The following VEZF1 variants were observed in gnomAD, a reference collection of about 807,000 sequenced individuals.
The protein encoded by VEZF1 is vascular endothelial zinc finger 1.
A neutral mutation model predicts 44.1 loss-of-function variants in VEZF1; 5 were observed. The ratio of observed to expected loss-of-function variants is 0.11; its 90% CI spans 0.06 to 0.24. The LOEUF (loss-of-function observed/expected upper bound fraction) is 0.24. Among genes scored for constraint, VEZF1 ranks in the 10% least tolerant of loss-of-function variants. VEZF1 has a pLI of 1.00. For missense variants in VEZF1, 358 were observed against 641.8 expected (o/e 0.56, Z 4.78); for synonymous variants, 236 against 233.1 (o/e 1.01, Z -0.11).
At chr17:57,979,365 G>GT (rs751520428) in intron 4 of VEZF1, 52 bp from the exon 5 acceptor site, 26 of 1,589,302 alleles carry the variant, frequency 1.6e-5, no homozygotes, top group South Asian at 5.6e-5. Flanking sequence ...AACTGTTGCC[G>GT]TTTTTTTTCA....
Position 57,980,565 on chromosome 17 carries a change from TG to T in VEZF1, c.976+37del, listed in dbSNP as rs780967226. Reference sequence around the variant, plus strand: ...TGAAAACATGCATATTTCACCCATCTGAAATATAAAAGAAAGAAAATCTGAA... The same window carrying T: ...TGAAAACATGCATATTTCACCCATCTAAATATAAAAGAAAGAAAATCTGAA... On this transcript the variant is annotated intron_variant, in intron 4 of 5. Coordinates refer to ENST00000581208, the MANE Select transcript of VEZF1 (RefSeq NM_007146.3). 3 of 1,583,124 alleles carry T rather than the reference TG, an allele frequency of 1.9e-6. No homozygotes were observed. The South Asian group carries it at 3.3e-5, about 18-fold the overall frequency.
chr17:57,976,956 A>C (rs374615453), intron 5 of VEZF1, among the ~76,000 whole-genome samples: 2 of 152,112 alleles, frequency 1.3e-5, no homozygotes, highest in South Asian at 2.1e-4. Context: ...TTTTCTTTTT[A>C]ATCTAAGAGT....
At chr17:57,985,653 T>G (rs1286693108) in intron 1 of VEZF1, among the ~76,000 whole-genome samples, 5 of 152,218 alleles carry the variant, frequency 3.3e-5, no homozygotes, top group African/African-American at 1.2e-4. Context: ...TTCCTGGGGC[T>G]GGCAAGAAAC....
Position 57,983,470 on chromosome 17 carries a change from G to C in VEZF1, c.34-77C>G, listed in dbSNP as rs567564229. 2.7e-4 allele frequency: 347 copies of C among 1,287,872 alleles called. 4 individuals are homozygous for C. In the South Asian group the frequency reaches 3.5e-3, roughly 13 times the overall value. 79.8% of individuals were successfully genotyped at this position (1,287,872 alleles called of 1,614,324 possible). A position where few individuals can be genotyped will look rare whatever the true frequency, so the allele number is the denominator to read the frequency against. On this transcript the variant is annotated intron_variant, in intron 1 of 5. Coordinates refer to ENST00000581208, the MANE Select transcript of VEZF1 (RefSeq NM_007146.3). ...GAAATTCAACATGCTCCAGACAATA[G>C]AGACCAGAAGAAACAGTCAAAGAAC...
intron 1 of VEZF1, among the ~76,000 whole-genome samples, chr17:57,987,289 C>G (rs568329499): frequency 6.6e-6 from 1 of 152,210 alleles, no homozygotes; most frequent in African/African-American, 2.4e-5. Flanking sequence ...CCGCCTGCCC[C>G]GGGCCGGCCC....
chr17:57,975,279 T>C (rs2075179187), intron 5 of VEZF1, among the ~76,000 whole-genome samples: 1 of 152,262 alleles, frequency 6.6e-6, no homozygotes, highest in Non-Finnish European at 1.5e-5. Context: ...CTAAAAACTT[T>C]CTTGGGAAGA....
rs935693670 is a variant in VEZF1 at position 57,988,188 on chromosome 17, A to AGCG, written c.-80_-78dup. 45 of 324,958 alleles carry AGCG rather than the reference A, an allele frequency of 1.4e-4. No individual in the cohort carries two copies. The highest frequency in any genetic ancestry group is 3.8e-4 in the African/African-American group (17 of 44,350). 20.1% of individuals were successfully genotyped at this position (324,958 alleles called of 1,614,324 possible). The stretch of plus-strand genomic sequence containing the variant: ...CCTCAGCCGGAGGAGGCGACAACAA[A>AGCG]GCGGCGGCGGCGGCGGCGGCAACGG... On this transcript the variant is annotated 5_prime_UTR_variant, in exon 1 of 6. Coordinates refer to ENST00000581208, the MANE Select transcript of VEZF1 (RefSeq NM_007146.3).
chr17:57,976,427 AC>A (rs2075191832), intron 5 of VEZF1, among the ~76,000 whole-genome samples: 1 of 152,134 alleles, frequency 6.6e-6, no homozygotes, highest in Admixed American at 6.5e-5. Context: ...AACAAAAAAA[AC>A]CCAACAAAAC....
chr17:57,983,712 T>C (rs542368022), intron 1 of VEZF1, among the ~76,000 whole-genome samples: 4 of 152,352 alleles, frequency 2.6e-5, no homozygotes, highest in East Asian at 1.9e-4. Context: ...CTGTCAGCGC[T>C]GAAACCAAGT....
intron 4 of VEZF1, among the ~76,000 whole-genome samples, chr17:57,979,870 T>C (rs28436631): frequency 2.0e-5 from 3 of 149,230 alleles, no homozygotes. Context: ...CTTGGGAGGC[T>C]GAGGCAGGAG....
At chr17:57,987,265 G>GC (rs1005978878) in intron 1 of VEZF1, among the ~76,000 whole-genome samples, 33 of 152,286 alleles carry the variant, frequency 2.2e-4, no homozygotes, top group African/African-American at 7.7e-4. Flanking sequence ...AGGAGTCCCG[G>GC]CCCCCACCGC....
In VEZF1 at chr17:57,988,210, A is replaced by G. The variant is rs2075321584; in HGVS notation, c.-99T>C. On this transcript the variant is annotated 5_prime_UTR_variant, in exon 1 of 6. Transcript: ENST00000581208. ...CAAAGCGGCGGCGGCGGCGGCGGCAACGGCAGCGGCGGCTCCTCAACATGG... is the reference window on the plus strand; with the variant it reads ...CAAAGCGGCGGCGGCGGCGGCGGCAGCGGCAGCGGCGGCTCCTCAACATGG... 1.7e-5 allele frequency: 4 copies of G among 239,710 alleles called. No individual in the cohort carries two copies. The highest frequency in any genetic ancestry group is 1.2e-4 in the Admixed American group (2 of 16,216). The allele number at this position is 239,710 out of a possible 1,614,324, so 14.8% of individuals were successfully genotyped here.
Position 57,974,122 on chromosome 17 carries a change from A to G in VEZF1, c.*351T>C, listed in dbSNP as rs1478776512. 3.5e-5 allele frequency: 9 copies of G among 258,176 alleles called. No homozygotes were observed. The East Asian group carries it at 7.4e-4, about 21-fold the overall frequency. The allele number at this position is 258,176 out of a possible 1,614,324, so 16.0% of individuals were successfully genotyped here. On this transcript the variant is annotated 3_prime_UTR_variant, in exon 6 of 6. Transcript: ENST00000581208. Reference sequence around the variant, plus strand: ...GAAGAGTTCTGCTAGTGTTTACAATAAAGTGATTCCTTGGGATTAGAAATA... The same window carrying G: ...GAAGAGTTCTGCTAGTGTTTACAATGAAGTGATTCCTTGGGATTAGAAATA...
chr17:57,975,981 TAG>T (rs2143322515), intron 5 of VEZF1, among the ~76,000 whole-genome samples: 1 of 152,294 alleles, frequency 6.6e-6, no homozygotes, highest in East Asian at 1.9e-4. Flanking sequence ...GTGTTTTTTG[TAG>T]AGACTGGGTT....
chr17:57,981,970 T>C, intron 2 of VEZF1, 34 bp from the exon 3 acceptor site: 2 of 1,606,082 alleles, frequency 1.2e-6, no homozygotes, highest in Non-Finnish European at 1.7e-6. Context: ...GAAGATATAA[T>C]CGAACACATA....
chr17:57,985,478 C>T (rs771055125), intron 1 of VEZF1: 4 of 1,211,484 alleles, frequency 3.3e-6, no homozygotes, highest in Non-Finnish European at 4.1e-6. Context: ...GGGGGAGAGA[C>T]AGAGTAAAAT....
intron 1 of VEZF1, among the ~76,000 whole-genome samples, chr17:57,984,444 C>T (rs537762345): frequency 7.1e-4 from 108 of 152,174 alleles, no homozygotes; most frequent in Non-Finnish European, 1.3e-3. Context: ...CTTCCTAATA[C>T]GTTGTTCTTT....
Position 57,988,188 on chromosome 17 carries a change from AGCGGCG to A in VEZF1, c.-83_-78del, listed in dbSNP as rs935693670. ...CCTCAGCCGGAGGAGGCGACAACAA[AGCGGCG>A]GCGGCGGCGGCGGCAACGGCAGCGG... On this transcript the variant is annotated 5_prime_UTR_variant, in exon 1 of 6. Coordinates refer to ENST00000581208, the MANE Select transcript of VEZF1 (RefSeq NM_007146.3). The A allele has an allele frequency of 1.5e-5, 5 of 324,830 alleles. No homozygotes were observed. The highest frequency in any genetic ancestry group is 8.8e-5 in the East Asian group (1 of 11,362). 20.1% of individuals were successfully genotyped at this position (324,830 alleles called of 1,614,324 possible).
Position 57,974,142 on chromosome 17 carries a change from G to A in VEZF1, c.*331C>T, listed in dbSNP as rs1220472003. 2 of 293,510 alleles carry A rather than the reference G, an allele frequency of 6.8e-6. No homozygotes were observed. The highest frequency in any genetic ancestry group is 1.3e-5 in the Non-Finnish European group (2 of 156,332). The allele number at this position is 293,510 out of a possible 1,614,324, so 18.2% of individuals were successfully genotyped here. A position where few individuals can be genotyped will look rare whatever the true frequency, so the allele number is the denominator to read the frequency against. On this transcript the variant is annotated 3_prime_UTR_variant, in exon 6 of 6. Coordinates refer to ENST00000581208, the MANE Select transcript of VEZF1 (RefSeq NM_007146.3). ...ACAATAAAGTGATTCCTTGGGATTA[G>A]AAATAGTAATGCTGTTTTTTTATTT...
Sources: gnomAD v4.1 joint callset for allele counts (sites outside exome capture counted in the v4.1 genomes callset) on GRCh38, gnomAD v4.1.1 for gene constraint, MANE v1.5 for transcripts, NCBI Gene and HGNC (gene_info 2026-07-23, HGNC 2026-07-21) for gene names.